The following ILDR2 variants were observed in gnomAD, a reference collection of about 807,000 sequenced individuals.
The protein encoded by ILDR2 is immunoglobulin-like domain-containing receptor 2.
In ILDR2, 25 loss-of-function variants were observed where a neutral mutation model predicts 66.8. That is an observed-to-expected ratio of 0.37 (90% CI 0.27 to 0.52). The LOEUF (loss-of-function observed/expected upper bound fraction) is 0.52. Ranked by LOEUF, ILDR2 falls within the 20% of genes least tolerant of loss-of-function variation. The pLI is 0.88. For missense variants in ILDR2, 827 were observed against 876.8 expected (o/e 0.94, Z 0.72); for synonymous variants, 367 against 357.2 (o/e 1.03, Z -0.31).
chr1:166,905,926 T>C (rs1571256407), downstream of ILDR2, among the ~76,000 whole-genome samples: 2 of 152,194 alleles, frequency 1.3e-5, no homozygotes, highest in East Asian at 3.8e-4. Flanking sequence ...TCCTCACTCC[T>C]CCAGGTTTTT....
chr1:166,926,749 A>G (rs530653347), intron 7 of ILDR2, among the ~76,000 whole-genome samples: 1 of 152,042 alleles, frequency 6.6e-6, no homozygotes, highest in South Asian at 2.1e-4. Context: ...TTATTCAAAG[A>G]AAGTTTGAAT....
At position 166,915,422 on chromosome 1, in the gene ILDR2, G is replaced by A. The variant is rs1287656302; in HGVS notation, c.*3933C>T. ...TGCATCTGATCACAGGAGTCTCCTG[G>A]AATGCATATTAAAAATATGAATTCT... On this transcript the variant is annotated 3_prime_UTR_variant, in exon 10 of 10. Coordinates refer to ENST00000271417, the MANE Select transcript of ILDR2 (RefSeq NM_199351.3). The A allele has an allele frequency of 3.3e-5, 5 of 152,284 alleles. No individual in the cohort carries two copies. The East Asian group carries it at 9.7e-4, about 29-fold the overall frequency. 9.4% of individuals were successfully genotyped at this position (152,284 alleles called of 1,614,324 possible).
chr1:166,934,903 G>A (rs1391171508), intron 6 of ILDR2, among the ~76,000 whole-genome samples: 1 of 152,138 alleles, frequency 6.6e-6, no homozygotes, highest in Non-Finnish European at 1.5e-5. Context: ...TCCTAATAAA[G>A]GTCCGTTCTC....
intron 3 of ILDR2, among the ~76,000 whole-genome samples, chr1:166,944,286 A>C (rs534595585): frequency 2.6e-5 from 4 of 152,306 alleles, no homozygotes; most frequent in African/African-American, 9.6e-5. Flanking sequence ...AATGTCTCTC[A>C]TTTATTCATT....
downstream of ILDR2, among the ~76,000 whole-genome samples, chr1:166,904,084 T>C (rs1296009097): frequency 6.6e-6 from 1 of 152,250 alleles, no homozygotes; most frequent in Non-Finnish European, 1.5e-5. Context: ...GTCTTAATCT[T>C]ATTCACTGCT....
At position 166,935,447 on chromosome 1, in the gene ILDR2, C is replaced by T; in HGVS notation, c.734G>A (p.Gly245Glu). 1 of 1,606,710 alleles carries T rather than the reference C, an allele frequency of 6.2e-7. No individual in the cohort carries two copies. ...GACACCGGAGACAGAGGGAGGGTAC[C>T]CGGCCTTTGCTGCTTTCCCTGCTTC... ...LYEAGKAAKA[G>E]YPPSVSGVPG... The change falls in exon 6 of 10, where the codon GGG becomes GAG. Residue 245 changes from glycine to glutamate, a missense_variant. By Grantham distance (98) the Gly-to-Glu change is moderately conservative. This residue lies in a region of ILDR2 where 437 missense variants were observed against 523.2 expected (regional missense o/e 0.84). Transcript: ENST00000271417.
At chr1:166,924,860 T>TA (rs1660181327) in intron 7 of ILDR2, among the ~76,000 whole-genome samples, 1 of 151,806 alleles carries the variant, frequency 6.6e-6, no homozygotes, top group African/African-American at 2.4e-5. Flanking sequence ...TATAAAAAAT[T>TA]AAAAAATTAG....
chr1:166,924,683 T>C (rs180803939), intron 7 of ILDR2, among the ~76,000 whole-genome samples: 155 of 152,280 alleles, frequency 1.0e-3, no homozygotes, highest in African/African-American at 3.5e-3. Context: ...CATAAGTGAA[T>C]TGGCATGGCT....
chr1:166,933,363 A>G (rs1660750213), intron 6 of ILDR2: 1 of 154,132 alleles, frequency 6.5e-6, no homozygotes, highest in Non-Finnish European at 1.4e-5. Flanking sequence ...TGCAGTCATC[A>G]AGAGATCATG....
At chr1:166,956,934 A>G in intron 2 of ILDR2, 82 bp from the exon 3 acceptor site, 2 of 1,458,292 alleles carry the variant, frequency 1.4e-6, no homozygotes, top group Non-Finnish European at 1.9e-6. Flanking sequence ...TTGGGAAGGG[A>G]GAAACCTTCT....
intron 3 of ILDR2, among the ~76,000 whole-genome samples, chr1:166,948,524 A>C (rs905632102): frequency 6.6e-6 from 1 of 152,170 alleles, no homozygotes; most frequent in Non-Finnish European, 1.5e-5. Flanking sequence ...CAATTAACTA[A>C]GGGTCATCCA....
In ILDR2 at chr1:166,901,450, A is replaced by G. The variant is rs144305520; in HGVS notation, n.172-5349T>C. Among the ~76,000 whole-genome samples the G allele has an allele frequency of 1.9e-3, 282 of 152,292 alleles. 2 individuals carry two copies. The highest frequency in any genetic ancestry group is 4.4e-3 in the Admixed American group (67 of 15,298). On this transcript the variant is annotated intron_variant and non_coding_transcript_variant, in intron 2 of 2. Transcript: ENST00000414590. ...AAGCAAGAAAGCCCCCCAACCAGAG[A>G]ATCTGTCTGCCTGGAGAGCAGGTGA...
chr1:166,908,619 TAGA>T lies in ILDR2; in HGVS notation c.*10733_*10735del, dbSNP rs1659396186. ...TGTCTGGAACCTCTAACAAAAAAAG[TAGA>T]AGGTGAATAATTAGGAGACAACAGG... is the stretch of plus-strand genomic sequence containing the variant. On this transcript the variant is annotated 3_prime_UTR_variant, in exon 10 of 10. Coordinates refer to ENST00000271417, the MANE Select transcript of ILDR2 (RefSeq NM_199351.3). The T allele has an allele frequency of 6.6e-6, 1 of 151,964 alleles. No individual in the cohort carries two copies. Among genetic ancestry groups the T allele is most frequent in the African/African-American group, 2.4e-5 (1 of 41,336 alleles). 9.4% of individuals were successfully genotyped at this position (151,964 alleles called of 1,614,324 possible). A position where few individuals can be genotyped will look rare whatever the true frequency, so the allele number is the denominator to read the frequency against.
rs1659653129 is a variant in ILDR2 at position 166,916,575 on chromosome 1, CAT to C, written c.*2778_*2779del. ...TCAAAGGAGAAGAAACAAAAGGACA[CAT>C]AGAGGAAAGTCAGGGGTGCTGAGGA... On this transcript the variant is annotated 3_prime_UTR_variant, in exon 10 of 10. Coordinates refer to ENST00000271417, the MANE Select transcript of ILDR2 (RefSeq NM_199351.3). The C allele has an allele frequency of 6.6e-6, 1 of 152,216 alleles. No homozygotes were observed. Among genetic ancestry groups the C allele is most frequent in the African/African-American group, 2.4e-5 (1 of 41,446 alleles). 9.4% of individuals were successfully genotyped at this position (152,216 alleles called of 1,614,324 possible).
chr1:166,950,145 G>T (rs73026718), intron 3 of ILDR2, among the ~76,000 whole-genome samples: 1 of 152,232 alleles, frequency 6.6e-6, no homozygotes, highest in Admixed American at 6.5e-5. Context: ...AATTTATGGC[G>T]AAAGTGTGGC....
intron 3 of ILDR2, among the ~76,000 whole-genome samples, chr1:166,946,911 A>C (rs1159099917): frequency 1.3e-5 from 2 of 152,370 alleles, no homozygotes; most frequent in Admixed American, 6.5e-5. Flanking sequence ...TGTTGGAGAT[A>C]ACTGAAATTT....
intron 3 of ILDR2, among the ~76,000 whole-genome samples, chr1:166,949,161 G>C (rs1661822714): frequency 6.6e-6 from 1 of 152,218 alleles, no homozygotes; most frequent in African/African-American, 2.4e-5. Flanking sequence ...GAGCTGCCTT[G>C]CATATTGTAG....
intron 1 of ILDR2, among the ~76,000 whole-genome samples, chr1:166,969,839 T>G (rs1440911625): frequency 6.6e-6 from 1 of 152,154 alleles, no homozygotes; most frequent in Admixed American, 6.5e-5. Flanking sequence ...AGTGACATTA[T>G]TTCTTATTCT....
intron 1 of ILDR2, among the ~76,000 whole-genome samples, chr1:166,974,565 T>C (rs1439931319): frequency 1.3e-5 from 2 of 152,190 alleles, no homozygotes; most frequent in African/African-American, 4.8e-5. Flanking sequence ...AGAGTGCACC[T>C]ATTAGAAAGG....
Sources: allele counts gnomAD v4.1 joint callset (sites outside exome capture counted in the v4.1 genomes callset), GRCh38; gene constraint gnomAD v4.1.1; regional missense constraint gnomAD v4.1.1; transcripts MANE v1.5; gene names NCBI Gene and HGNC (gene_info 2026-07-23, HGNC 2026-07-21).